The following TCTN1 variants were observed in gnomAD, a reference collection of about 807,000 sequenced individuals.
TCTN1 encodes tectonic-1.
A neutral mutation model predicts 65.8 loss-of-function variants in TCTN1; 58 were observed. That is an observed-to-expected ratio of 0.88 (90% CI 0.71 to 1.10). The LOEUF (loss-of-function observed/expected upper bound fraction) is 1.10, where lower values mean the gene tolerates loss of function less well. TCTN1 is among the 50% of genes least tolerant of loss of function. TCTN1 has a pLI of 0.00. For synonymous variants in TCTN1, 273 were observed against 289.1 expected (o/e 0.94, Z 0.57); for missense variants, 645 against 719.4 (o/e 0.90, Z 1.18).
Position 110,634,779 on chromosome 12 carries a change from G to T in TCTN1, c.822G>T (p.Arg274Ser). 1 of 1,602,696 alleles carries T rather than the reference G, an allele frequency of 6.2e-7. No homozygotes were observed. The highest frequency in any genetic ancestry group is 8.5e-7 in the Non-Finnish European group (1 of 1,172,656). Residue 274 changes from arginine to serine, a missense_variant and splice_region_variant, in exon 6 of 15, where the codon AGG becomes AGT. Transcript: ENST00000397659. ...MAFYSSPEILRVPDSRKKVPI... is the reference protein window; with the variant it reads ...MAFYSSPEILSVPDSRKKVPI... ...TTTACAGCAGCCCGGAAATTCTGAG[G>T]GTAAGAATTATTTTGAAGTGGAACT...
chr12:110,632,649 A>G (rs753777109), intron 5 of TCTN1, 90 bp downstream of exon 5: 140 of 1,352,982 alleles, frequency 1.0e-4, no homozygotes, highest in Non-Finnish European at 1.4e-4. Context: ...CATTAAAAGT[A>G]ATGACCAAAA....
chr12:110,641,807 G>C (rs959020946), intron 10 of TCTN1, 180 bp downstream of exon 10: 42 of 621,374 alleles, frequency 6.8e-5, no homozygotes, highest in Non-Finnish European at 9.9e-5. Flanking sequence ...AGGTGGGCTG[G>C]GGGGAGACTG....
At chr12:110,627,710 C>G in intron 3 of TCTN1, 118 of 410,332 alleles carry the variant, frequency 2.9e-4, no homozygotes, top group East Asian at 2.9e-4. Flanking sequence ...TTCCTTTTTT[C>G]TTTTATTTTT....
chr12:110,641,990 C>T lies in TCTN1; in HGVS notation c.1191-259C>T, dbSNP rs150710744. 1,019 of 557,762 alleles carry T rather than the reference C, an allele frequency of 1.8e-3. 8 individuals carry two copies. Among genetic ancestry groups the T allele is most frequent in the African/African-American group, 0.017 (881 of 53,252 alleles). 34.6% of individuals were successfully genotyped at this position (557,762 alleles called of 1,614,324 possible). On this transcript the variant is annotated intron_variant, in intron 10 of 14. Coordinates refer to ENST00000397659, the MANE Select transcript of TCTN1 (RefSeq NM_001082538.3). ...GTTTTTAATTTCACATTTAAACAGACACTCCTAAACAGATGTAGTGATTTT... is the reference window on the plus strand; with the variant it reads ...GTTTTTAATTTCACATTTAAACAGATACTCCTAAACAGATGTAGTGATTTT...
chr12:110,641,955 A>G, intron 10 of TCTN1: 1 of 553,860 alleles, frequency 1.8e-6, no homozygotes, highest in Non-Finnish European at 3.2e-6. Context: ...AGAAAAGTTG[A>G]CATTTAAATG....
At chr12:110,616,027 G>T (rs764655226) in intron 1 of TCTN1, among the ~76,000 whole-genome samples, 11 of 152,166 alleles carry the variant, frequency 7.2e-5, no homozygotes, top group Non-Finnish European at 1.6e-4. Context: ...TGATGAATTA[G>T]TAGGGAAGTT....
chr12:110,637,325 G>A (rs536646689), intron 7 of TCTN1, among the ~76,000 whole-genome samples: 5 of 152,366 alleles, frequency 3.3e-5, no homozygotes, highest in African/African-American at 9.6e-5. Context: ...ATGCACTCGG[G>A]ATGGGGATGC....
chr12:110,648,869 G>A, intron 14 of TCTN1, 174 bp from the exon 15 acceptor site: 1 of 378,776 alleles, frequency 2.6e-6, no homozygotes, highest in South Asian at 2.0e-5. Flanking sequence ...TTGTCAGGTG[G>A]CAGAAAACAA....
intron 11 of TCTN1, among the ~76,000 whole-genome samples, chr12:110,642,828 C>G (rs2067048959): frequency 6.6e-6 from 1 of 151,914 alleles, no homozygotes; most frequent in South Asian, 2.1e-4. Flanking sequence ...ATAATCTCAA[C>G]TCACTGCAAC....
chr12:110,615,427 A>G (rs2064969570), intron 1 of TCTN1, among the ~76,000 whole-genome samples: 1 of 152,102 alleles, frequency 6.6e-6, no homozygotes, highest in African/African-American at 2.4e-5. Flanking sequence ...AAATTTTCCG[A>G]TTGTGTGAAT....
chr12:110,615,060 C>T (rs978661515), intron 1 of TCTN1, among the ~76,000 whole-genome samples: 1 of 152,138 alleles, frequency 6.6e-6, no homozygotes, highest in Non-Finnish European at 1.5e-5. Flanking sequence ...GGGAGGTCAA[C>T]TCGGGTGGAT....
chr12:110,647,668 G>T (rs1566014906), intron 13 of TCTN1, 81 bp from the exon 14 acceptor site: 1 of 1,597,276 alleles, frequency 6.3e-7, no homozygotes, highest in South Asian at 1.1e-5. Flanking sequence ...GTTGGGTGAG[G>T]AAGAGAATGA....
At chr12:110,621,468 T>C (rs1486106226) in intron 2 of TCTN1, among the ~76,000 whole-genome samples, 1 of 151,828 alleles carries the variant, frequency 6.6e-6, no homozygotes, top group African/African-American at 2.4e-5. Flanking sequence ...TTGCTCCAAC[T>C]TGGGGCTATT....
rs545716318 is a variant in TCTN1 at position 110,642,304 on chromosome 12, A to T, written c.1246A>T (p.Thr416Ser). The T allele has an allele frequency of 6.2e-7, 1 of 1,614,218 alleles. No homozygotes were observed. Among genetic ancestry groups the T allele is most frequent in the Non-Finnish European group, 8.5e-7 (1 of 1,180,046 alleles). ...RYGQLTILHS[T>S]TEQDCLALEG... ...TGGACAGCTTACTATTCTTCATAGC[A>T]CAACTGAGCAAGACTGCTTAGCACT... Residue 416 changes from threonine to serine, a missense_variant, in exon 11 of 15, where the codon ACA becomes TCA. By Grantham distance (58) the Thr-to-Ser change is moderately conservative (BLOSUM62 1). Coordinates refer to ENST00000397659, the MANE Select transcript of TCTN1 (RefSeq NM_001082538.3).
At position 110,639,259 on chromosome 12, in the gene TCTN1, C is replaced by T. The variant is rs748350689; in HGVS notation, c.844-1124C>T. On this transcript the variant is annotated intron_variant, in intron 7 of 14. Coordinates refer to ENST00000397659, the MANE Select transcript of TCTN1 (RefSeq NM_001082538.3). This position sits in a 1 kb window ranked among gnomAD's most constrained non-coding sequence, Gnocchi z 4.9. Reference sequence around the variant, plus strand: ...CAAATGACAGATTCATCCTATAGTACGAGGAGGCTCAGCTACCTTTAGAGG... The same window carrying T: ...CAAATGACAGATTCATCCTATAGTATGAGGAGGCTCAGCTACCTTTAGAGG... Among the ~76,000 whole-genome samples, 21 of 152,160 alleles carry T rather than the reference C, an allele frequency of 1.4e-4. No individual in the cohort carries two copies. The highest frequency in any genetic ancestry group is 2.2e-4 in the Non-Finnish European group (15 of 68,024).
At chr12:110,620,156 C>G (rs2065317969) in intron 2 of TCTN1, among the ~76,000 whole-genome samples, 200 bp downstream of exon 2, 1 of 152,116 alleles carries the variant, frequency 6.6e-6, no homozygotes, top group African/African-American at 2.4e-5. Context: ...GCCTGTAATC[C>G]CAGCACTTTG....
intron 1 of TCTN1, chr12:110,616,904 GGT>G (rs1426948089): frequency 6.6e-6 from 1 of 152,212 alleles, no homozygotes; most frequent in Non-Finnish European, 1.5e-5. Context: ...CTACAAGCCA[GGT>G]GTGCAGATGC....
intron 10 of TCTN1, 149 bp downstream of exon 10, chr12:110,641,776 C>T (rs935183852): frequency 3.3e-5 from 26 of 791,852 alleles, no homozygotes; most frequent in Middle Eastern, 3.5e-4. Flanking sequence ...CTCTGGTGGG[C>T]GGCCAGTCTG....
intron 4 of TCTN1, among the ~76,000 whole-genome samples, chr12:110,630,952 A>T (rs970746332): frequency 2.0e-5 from 3 of 152,040 alleles, no homozygotes; most frequent in Non-Finnish European, 4.4e-5. Context: ...CTAGTGATAG[A>T]GCTGCGTTGT....
Sources: allele counts gnomAD v4.1 joint callset (sites outside exome capture counted in the v4.1 genomes callset), GRCh38; gene constraint gnomAD v4.1.1; non-coding constraint Gnocchi (gnomAD v3.1); transcripts MANE v1.5; gene names NCBI Gene and HGNC (gene_info 2026-07-23, HGNC 2026-07-21).